The following PLD1 variants were observed in gnomAD, a reference collection of about 807,000 sequenced individuals.
The protein encoded by PLD1 is choline phosphatase 1.
Under a neutral mutation model 137.1 loss-of-function variants are expected in PLD1, and 112 were observed. The observed-to-expected ratio is 0.82, with a 90% confidence interval of 0.70 to 0.96. The LOEUF is 0.96. PLD1 is among the 40% of genes least tolerant of loss of function. PLD1 has a pLI of 0.00. For synonymous variants in PLD1, 431 were observed against 454.7 expected (o/e 0.95, Z 0.66); for missense variants, 1,321 against 1,342.0 (o/e 0.98, Z 0.24).
intron 19 of PLD1, among the ~76,000 whole-genome samples, chr3:171,669,535 G>A (rs927847671): frequency 6.6e-6 from 1 of 152,222 alleles, no homozygotes; most frequent in African/African-American, 2.4e-5. Context: ...TCAAGTAGCT[G>A]TGATTACAGG....
chr3:171,708,986 G>A, intron 10 of PLD1, 148 bp from the exon 11 acceptor site: 1 of 589,926 alleles, frequency 1.7e-6, no homozygotes, highest in Non-Finnish European at 3.0e-6. Context: ...GGAAAACAAG[G>A]ATTGAAAATA....
chr3:171,773,208 GCAC>G (rs1722457752), intron 1 of PLD1, among the ~76,000 whole-genome samples: 1 of 152,134 alleles, frequency 6.6e-6, no homozygotes. Flanking sequence ...TAAGTGGTGG[GCAC>G]CAAATTACAC....
intron 1 of PLD1, among the ~76,000 whole-genome samples, chr3:171,738,524 T>C (rs995411894): frequency 2.0e-5 from 3 of 152,188 alleles, no homozygotes; most frequent in African/African-American, 7.2e-5. Flanking sequence ...GTATTTCACA[T>C]ATTGAAATAT....
intron 1 of PLD1, among the ~76,000 whole-genome samples, chr3:171,761,110 G>A (rs191567978): frequency 1.2e-4 from 18 of 152,330 alleles, no homozygotes; most frequent in Admixed American, 1.2e-3. Context: ...TAGGCTGGCA[G>A]TTGCCTGGAC....
At chr3:171,668,746 A>C (rs910367131) in intron 19 of PLD1, among the ~76,000 whole-genome samples, 1 of 152,212 alleles carries the variant, frequency 6.6e-6, no homozygotes, top group African/African-American at 2.4e-5. Flanking sequence ...AGCTTTAAAA[A>C]GGATTGTTCC....
intron 9 of PLD1, among the ~76,000 whole-genome samples, chr3:171,712,127 C>T (rs993533154): frequency 6.6e-6 from 1 of 152,162 alleles, no homozygotes; most frequent in African/African-American, 2.4e-5. Context: ...TAAAGATTAG[C>T]CATGTCCAAC....
At chr3:171,674,735 TG>T in intron 18 of PLD1, 122 bp from the exon 19 acceptor site, 1 of 516,896 alleles carries the variant, frequency 1.9e-6, no homozygotes, top group South Asian at 2.3e-5. Flanking sequence ...CCCAGCACTT[TG>T]GGAGGCCAAG....
At chr3:171,711,371 A>G (rs546649793) in intron 9 of PLD1, among the ~76,000 whole-genome samples, 39 of 147,478 alleles carry the variant, frequency 2.6e-4, no homozygotes, top group Non-Finnish European at 2.4e-4. Flanking sequence ...GGGTTTCACA[A>G]TATTGGCCAG....
At chr3:171,626,374 G>C (rs1413286984) in intron 23 of PLD1, among the ~76,000 whole-genome samples, 2 of 152,204 alleles carry the variant, frequency 1.3e-5, no homozygotes, top group East Asian at 1.9e-4. Flanking sequence ...ATCTACGTCT[G>C]ATTAGTGTAC....
At chr3:171,748,798 A>G (rs1424558640) in intron 1 of PLD1, among the ~76,000 whole-genome samples, 1 of 150,062 alleles carries the variant, frequency 6.7e-6, no homozygotes, top group African/African-American at 2.5e-5. Flanking sequence ...CTAATGTGTA[A>G]AATGGAAGTA....
intron 14 of PLD1, among the ~76,000 whole-genome samples, chr3:171,687,997 T>C (rs1306558098): frequency 6.6e-6 from 1 of 152,230 alleles, no homozygotes; most frequent in African/African-American, 2.4e-5. Context: ...TTGCACTATT[T>C]TCCAGCAGTA....
chr3:171,720,582 CAA>C (rs759407637), intron 8 of PLD1, among the ~76,000 whole-genome samples: 6 of 115,160 alleles, frequency 5.2e-5, no homozygotes, highest in Admixed American at 9.1e-5. Flanking sequence ...GACTCCGTCT[CAA>C]AAAAAAAAAA....
At chr3:171,751,702 T>C (rs1257188145) in intron 1 of PLD1, among the ~76,000 whole-genome samples, 1 of 152,198 alleles carries the variant, frequency 6.6e-6, no homozygotes, top group Non-Finnish European at 1.5e-5. Flanking sequence ...AAATAACCTT[T>C]TAGAAAGTAA....
At chr3:171,722,554 A>G (rs1234086819) in intron 8 of PLD1, among the ~76,000 whole-genome samples, 1 of 152,140 alleles carries the variant, frequency 6.6e-6, no homozygotes, top group African/African-American at 2.4e-5. Context: ...AAAATTTCTT[A>G]TAAATAAGAA....
chr3:171,807,333 C>G (rs773767169), intron 1 of PLD1, among the ~76,000 whole-genome samples: 1 of 152,016 alleles, frequency 6.6e-6, no homozygotes, highest in Non-Finnish European at 1.5e-5. Context: ...TCTAAAGCTA[C>G]GAGAAGGAAC....
intron 21 of PLD1, among the ~76,000 whole-genome samples, chr3:171,656,137 T>A (rs561858626): frequency 6.7e-6 from 1 of 149,866 alleles, no homozygotes; most frequent in East Asian, 1.9e-4. Context: ...AAGTTTCTTG[T>A]AGCCCTAAAA....
At chr3:171,721,970 G>C (rs550454356) in intron 8 of PLD1, among the ~76,000 whole-genome samples, 1 of 152,064 alleles carries the variant, frequency 6.6e-6, no homozygotes, top group South Asian at 2.1e-4. Context: ...GTGGATGCCA[G>C]TATTAATTTT....
chr3:171,624,002 A>G (rs1733869494), intron 23 of PLD1, among the ~76,000 whole-genome samples: 1 of 151,534 alleles, frequency 6.6e-6, no homozygotes, highest in Non-Finnish European at 1.5e-5. Context: ...AGAGGCAAAA[A>G]AAAAAAAAAA....
chr3:171,643,389 A>T (rs1235273639), intron 22 of PLD1, among the ~76,000 whole-genome samples: 1 of 152,166 alleles, frequency 6.6e-6, no homozygotes, highest in Non-Finnish European at 1.5e-5. Flanking sequence ...TCTGCTAATG[A>T]TTTTGTTTCT....
Sources: allele counts gnomAD v4.1 joint callset (sites outside exome capture counted in the v4.1 genomes callset), GRCh38; gene constraint gnomAD v4.1.1; transcripts MANE v1.5; gene names NCBI Gene and HGNC (gene_info 2026-07-23, HGNC 2026-07-21).